MTX2: variants seen among roughly 807,000 people sequenced by gnomAD.
MTX2 encodes the protein metaxin-2.
In MTX2, 35 loss-of-function variants were observed where a neutral mutation model predicts 42.3. The ratio of observed to expected loss-of-function variants is 0.83; its 90% confidence interval spans 0.63 to 1.10. The LOEUF (loss-of-function observed/expected upper bound fraction) is 1.10. MTX2 is among the 50% of genes least tolerant of loss of function. MTX2 has a pLI of 0.00. For synonymous variants in MTX2, 119 were observed against 100.9 expected (o/e 1.18, Z -1.08); for missense variants, 307 against 304.1 (o/e 1.01, Z -0.07).
intron 9 of MTX2, among the ~76,000 whole-genome samples, chr2:176,336,899 C>T (rs182974265): frequency 4.6e-4 from 70 of 152,008 alleles, no homozygotes; most frequent in African/African-American, 1.6e-3. Flanking sequence ...ACATTTGTTC[C>T]GGGACCCCCA....
intron 1 of MTX2, among the ~76,000 whole-genome samples, chr2:176,269,946 T>C (rs1196600357): frequency 6.6e-6 from 1 of 151,958 alleles, no homozygotes; most frequent in Non-Finnish European, 1.5e-5. Flanking sequence ...TGCTGGAGTA[T>C]GAGGGGGAGG....
At chr2:176,323,316 A>G (rs1684628241) in intron 3 of MTX2, 76 bp from the exon 4 acceptor site, 4 of 1,216,162 alleles carry the variant, frequency 3.3e-6, no homozygotes, top group Non-Finnish European at 4.8e-6. Flanking sequence ...CAGTTTAGAA[A>G]AGAAATGCAT....
At chr2:176,320,499 G>A (rs1386275258) in intron 3 of MTX2, among the ~76,000 whole-genome samples, 3 of 151,980 alleles carry the variant, frequency 2.0e-5, no homozygotes, top group Non-Finnish European at 4.4e-5. Flanking sequence ...TCCCTTCTTA[G>A]TTTTTCATTC....
At chr2:176,270,804 T>C (rs1692788138) in intron 1 of MTX2, among the ~76,000 whole-genome samples, 1 of 152,214 alleles carries the variant, frequency 6.6e-6, no homozygotes, top group Non-Finnish European at 1.5e-5. Context: ...AAACTTGTTT[T>C]GTTCCCCATT....
chr2:176,319,902 G>A (rs1684536690), intron 3 of MTX2, among the ~76,000 whole-genome samples: 1 of 152,006 alleles, frequency 6.6e-6, no homozygotes, highest in Admixed American at 6.6e-5. Context: ...CTCTCACTAT[G>A]TTTCCCAGGC....
intron 3 of MTX2, among the ~76,000 whole-genome samples, chr2:176,308,185 A>G (rs1057182622): frequency 6.6e-6 from 1 of 152,022 alleles, no homozygotes; most frequent in African/African-American, 2.4e-5. Context: ...GGTTCTGTTT[A>G]TGTGATGGAT....
intron 3 of MTX2, among the ~76,000 whole-genome samples, chr2:176,298,297 C>T (rs1683939864): frequency 6.6e-6 from 1 of 151,918 alleles, no homozygotes; most frequent in South Asian, 2.1e-4. Context: ...CATTGTTTTG[C>T]TCATTGCACT....
intron 1 of MTX2, among the ~76,000 whole-genome samples, chr2:176,294,349 A>G (rs1263845405): frequency 1.5e-5 from 2 of 136,348 alleles, no homozygotes; most frequent in African/African-American, 2.8e-5. Flanking sequence ...CAGTGGCGTG[A>G]TCTTGGCTCA....
At position 176,337,720 on chromosome 2, in the gene MTX2, T is replaced by TA. The variant is rs1685031612; in HGVS notation, c.*57dup. On this transcript the variant is annotated 3_prime_UTR_variant, in exon 10 of 10. Coordinates refer to ENST00000249442, the MANE Select transcript of MTX2 (RefSeq NM_006554.5). ...TTTGAAATATGTTTTACTTGAATGT[T>TA]ACATTAGATATTGGTGTCAGAATTT... 1 of 1,440,156 alleles carries TA rather than the reference T, an allele frequency of 6.9e-7. No homozygotes were observed. The highest frequency in any genetic ancestry group is 1.4e-5 in the African/African-American group (1 of 69,686). The allele number at this position is 1,440,156 out of a possible 1,614,324, so 89.2% of individuals were successfully genotyped here.
intron 1 of MTX2, among the ~76,000 whole-genome samples, chr2:176,274,320 T>A (rs1027390026): frequency 2.0e-5 from 3 of 152,190 alleles, no homozygotes; most frequent in African/African-American, 7.2e-5. Context: ...AAAATCGACA[T>A]ATAATATGCA....
Position 176,304,580 on chromosome 2 carries a change from T to C in MTX2, c.135+6685T>C, listed in dbSNP as rs539781699. On this transcript the variant is annotated intron_variant, in intron 3 of 9. Coordinates refer to ENST00000249442, the MANE Select transcript of MTX2 (RefSeq NM_006554.5). ...TTTGATATAAAAATGAATTATTTTA[T>C]AGATAGATTTGTTCATGGTTTTTAA... 1.6e-4 allele frequency among the ~76,000 whole-genome samples: 24 copies of C among 152,134 alleles called. 1 individual carries two copies. In the South Asian group the frequency reaches 2.3e-3, roughly 14 times the overall value.
At chr2:176,306,747 T>C (rs1470048956) in intron 3 of MTX2, among the ~76,000 whole-genome samples, 1 of 152,224 alleles carries the variant, frequency 6.6e-6, no homozygotes, top group Non-Finnish European at 1.5e-5. Context: ...TGCTCACTTT[T>C]TGATGGGGTT....
At chr2:176,269,887 T>C (rs1692755695) in intron 1 of MTX2, among the ~76,000 whole-genome samples, 1 of 152,068 alleles carries the variant, frequency 6.6e-6, no homozygotes, top group Admixed American at 6.5e-5. Context: ...GAGTCCCGTC[T>C]CCTTCCCTTG....
intron 3 of MTX2, among the ~76,000 whole-genome samples, chr2:176,315,068 T>C (rs564023097): frequency 1.3e-5 from 2 of 152,282 alleles, no homozygotes; most frequent in Admixed American, 6.5e-5. Flanking sequence ...GCCTTGAGGA[T>C]TGGGCTTCTC....
chr2:176,333,974 G>A (rs1007566828), intron 9 of MTX2, among the ~76,000 whole-genome samples: 1 of 151,766 alleles, frequency 6.6e-6, no homozygotes, highest in Non-Finnish European at 1.5e-5. Context: ...ATGTATTCCT[G>A]TTAAGCAACA....
chr2:176,332,420 A>G (rs570260562), intron 9 of MTX2, among the ~76,000 whole-genome samples: 3 of 151,428 alleles, frequency 2.0e-5, no homozygotes, highest in Admixed American at 6.6e-5. Flanking sequence ...TCTGAATTCT[A>G]TTCTTGGCTC....
At chr2:176,323,008 A>T (rs1021267983) in intron 3 of MTX2, among the ~76,000 whole-genome samples, 2 of 151,864 alleles carry the variant, frequency 1.3e-5, no homozygotes, top group Non-Finnish European at 3.0e-5. Context: ...TCCTATAGAA[A>T]ATAGTGGAAT....
At chr2:176,301,806 C>A (rs1314241944) in intron 3 of MTX2, among the ~76,000 whole-genome samples, 1 of 152,066 alleles carries the variant, frequency 6.6e-6, no homozygotes, top group African/African-American at 2.4e-5. Context: ...AAGAACATGT[C>A]TTAGCTTTTG....
intron 3 of MTX2, among the ~76,000 whole-genome samples, chr2:176,314,072 A>G (rs987061313): frequency 2.6e-5 from 4 of 152,076 alleles, no homozygotes; most frequent in Admixed American, 1.3e-4. Flanking sequence ...TAATGCAGTT[A>G]AAGCAAAGTA....
Sources: allele counts gnomAD v4.1 joint callset (sites outside exome capture counted in the v4.1 genomes callset), GRCh38; gene constraint gnomAD v4.1.1; transcripts MANE v1.5; gene names NCBI Gene and HGNC (gene_info 2026-07-23, HGNC 2026-07-21).